COG5: variants seen among roughly 807,000 people sequenced by gnomAD.
COG5 encodes the protein component of oligomeric golgi complex 5.
Under a neutral mutation model 110.4 loss-of-function variants are expected in COG5, and 86 were observed. The ratio of observed to expected loss-of-function variants is 0.78; its 90% CI spans 0.65 to 0.93. The LOEUF is 0.93. Among genes scored for constraint, COG5 ranks in the 40% least tolerant of loss-of-function variants. COG5 has a pLI of 0.00. For synonymous variants in COG5, 360 were observed against 334.6 expected, an observed-to-expected ratio of 1.08 and a Z score of -0.83; for missense variants, 1,077 against 987.0, an observed-to-expected ratio of 1.09 and a Z score of -1.22.
intron 21 of COG5, chr7:107,208,417 A>G (rs1208555993): frequency 4.1e-6 from 4 of 985,298 alleles, no homozygotes; most frequent in Non-Finnish European, 4.8e-6. Context: ...TTTTGGATGA[A>G]CTCATTCCAA....
At chr7:107,247,391 A>G (rs921466461) in intron 17 of COG5, among the ~76,000 whole-genome samples, 10 of 152,212 alleles carry the variant, frequency 6.6e-5, no homozygotes, top group Non-Finnish European at 1.5e-4. Context: ...AAAAAAATTA[A>G]AAAACTTTGT....
chr7:107,275,642 G>A (rs747169068), intron 14 of COG5, among the ~76,000 whole-genome samples: 2 of 151,778 alleles, frequency 1.3e-5, no homozygotes, highest in East Asian at 1.9e-4. Flanking sequence ...TGCAACCTCC[G>A]CCTCCTGGGT....
rs1802918761 is a variant in COG5, at chr7:107,256,798, GAAC to G, written c.1687-7_1687-5del. 6.2e-7 allele frequency: 1 copy of G among 1,603,952 alleles called. No homozygotes were observed. Among genetic ancestry groups the G allele is most frequent in the Non-Finnish European group, 8.5e-7 (1 of 1,171,698 alleles). On this transcript the variant is annotated splice_region_variant and splice_polypyrimidine_tract_variant and intron_variant, in intron 15 of 21. Coordinates refer to ENST00000297135, the MANE Select transcript of COG5 (RefSeq NM_006348.5). ...ATGAGCTCTGACTGGAAACAACCTA[GAAC>G]AAGGTTTTGATCCAGTTATAGTTTC...
intron 6 of COG5, among the ~76,000 whole-genome samples, chr7:107,454,770 T>C (rs544084086): frequency 6.6e-6 from 1 of 152,130 alleles, no homozygotes; most frequent in Non-Finnish European, 1.5e-5. Flanking sequence ...AAGACATGGG[T>C]TGGCAGATTT....
chr7:107,248,929 C>T (rs1244034310), intron 16 of COG5, among the ~76,000 whole-genome samples: 1 of 152,014 alleles, frequency 6.6e-6, no homozygotes, highest in Non-Finnish European at 1.5e-5. Flanking sequence ...AATAAACAGA[C>T]ATTGATTCTT....
intron 19 of COG5, among the ~76,000 whole-genome samples, chr7:107,213,307 G>A (rs1799305020): frequency 6.6e-6 from 1 of 152,142 alleles, no homozygotes; most frequent in Admixed American, 6.5e-5. Flanking sequence ...ATTTTTTGAA[G>A]AGAACAGTGG....
chr7:107,375,160 AT>A (rs980625009), intron 7 of COG5, among the ~76,000 whole-genome samples: 1 of 151,894 alleles, frequency 6.6e-6, no homozygotes, highest in Admixed American at 6.6e-5. Context: ...TACTCAACAT[AT>A]TTTTTTGTGA....
chr7:107,335,284 G>A (rs1220473302), intron 10 of COG5, among the ~76,000 whole-genome samples: 3 of 152,196 alleles, frequency 2.0e-5, no homozygotes, highest in African/African-American at 7.2e-5. Flanking sequence ...CAGCTACTCA[G>A]GAGGCTGAGG....
At chr7:107,487,822 A>G (rs1366035962) in intron 6 of COG5, among the ~76,000 whole-genome samples, 1 of 152,132 alleles carries the variant, frequency 6.6e-6, no homozygotes, top group African/African-American at 2.4e-5. Context: ...TATGACATAG[A>G]TTTATGTTTA....
At chr7:107,317,664 G>A (rs967916263) in intron 11 of COG5, among the ~76,000 whole-genome samples, 1 of 152,126 alleles carries the variant, frequency 6.6e-6, no homozygotes, top group Non-Finnish European at 1.5e-5. Context: ...TTAAGTATCT[G>A]ATACTATCAG....
intron 6 of COG5, among the ~76,000 whole-genome samples, chr7:107,434,350 T>C (rs1442350117): frequency 1.3e-5 from 2 of 152,156 alleles, no homozygotes; most frequent in Non-Finnish European, 2.9e-5. Flanking sequence ...AAACAAGATC[T>C]TAAAGGAATA....
At chr7:107,338,005 T>C (rs1200834032) in intron 10 of COG5, among the ~76,000 whole-genome samples, 2 of 152,156 alleles carry the variant, frequency 1.3e-5, no homozygotes, top group Non-Finnish European at 2.9e-5. Context: ...TAAAGCTGCA[T>C]AATGTTACCA....
chr7:107,507,941 C>T (rs7784906), intron 6 of COG5, among the ~76,000 whole-genome samples: 19,089 of 152,204 alleles, frequency 0.13, 1,496 homozygotes, highest in Non-Finnish European at 0.17. Flanking sequence ...AGGAACAGCT[C>T]CCAGCGTGAG....
intron 14 of COG5, among the ~76,000 whole-genome samples, chr7:107,278,478 T>C (rs1220283024): frequency 6.6e-6 from 1 of 152,138 alleles, no homozygotes; most frequent in South Asian, 2.1e-4. Flanking sequence ...TGTCCACGTG[T>C]TCTCATTGGT....
At chr7:107,397,260 A>G (rs938059684) in intron 7 of COG5, among the ~76,000 whole-genome samples, 1 of 152,198 alleles carries the variant, frequency 6.6e-6, no homozygotes, top group Non-Finnish European at 1.5e-5. Context: ...CCACCTCTGT[A>G]CCTTGAACAC....
At chr7:107,215,822 G>T (rs1311276726) in intron 19 of COG5, among the ~76,000 whole-genome samples, 1 of 151,010 alleles carries the variant, frequency 6.6e-6, no homozygotes, top group Non-Finnish European at 1.5e-5. Flanking sequence ...CCATTCCCCT[G>T]CCTCAGCCTA....
chr7:107,431,857 T>A (rs1448133452), intron 6 of COG5, among the ~76,000 whole-genome samples: 1 of 152,162 alleles, frequency 6.6e-6, no homozygotes, highest in Non-Finnish European at 1.5e-5. Flanking sequence ...TGTCTCACTT[T>A]GTTGCCTAGG....
chr7:107,389,757 G>A (rs1790479429), intron 7 of COG5, among the ~76,000 whole-genome samples: 1 of 152,044 alleles, frequency 6.6e-6, no homozygotes, highest in South Asian at 2.1e-4. Flanking sequence ...TTGGGCCGAT[G>A]GGGGGATGGG....
intron 6 of COG5, chr7:107,450,371 T>C (rs939404743): frequency 3.9e-5 from 6 of 152,218 alleles, no homozygotes; most frequent in African/African-American, 1.2e-4. Context: ...AGAAGCTCTA[T>C]CATTTGAGAC....
Sources: allele counts gnomAD v4.1 joint callset (sites outside exome capture counted in the v4.1 genomes callset), GRCh38; gene constraint gnomAD v4.1.1; transcripts MANE v1.5; gene names NCBI Gene and HGNC (gene_info 2026-07-23, HGNC 2026-07-21).